KCNH7: variants seen among roughly 807,000 people sequenced by gnomAD.
The protein encoded by KCNH7 is voltage-gated inwardly rectifying potassium channel KCNH7.
KCNH7 carries 49 observed loss-of-function variants against 120.8 expected under a neutral mutation model. The ratio of observed to expected loss-of-function variants is 0.41; its 90% CI spans 0.32 to 0.51. The LOEUF (loss-of-function observed/expected upper bound fraction) is 0.51, where lower values mean the gene tolerates loss of function less well. Among genes scored for constraint, KCNH7 ranks in the 20% least tolerant of loss-of-function variants. The pLI is 0.38. For missense variants in KCNH7, 1,097 were observed against 1,446.6 expected (o/e 0.76, Z 3.92); for synonymous variants, 547 against 516.1 (o/e 1.06, Z -0.81).
At chr2:162,655,838 T>C (rs1684736476) in intron 2 of KCNH7, among the ~76,000 whole-genome samples, 2 of 152,132 alleles carry the variant, frequency 1.3e-5, no homozygotes, top group African/African-American at 2.4e-5. Context: ...TATTTTGAGA[T>C]AGCATATCAA....
chr2:162,400,661 G>A (rs1687041429), intron 9 of KCNH7, among the ~76,000 whole-genome samples: 1 of 151,858 alleles, frequency 6.6e-6, no homozygotes, highest in Non-Finnish European at 1.5e-5. Context: ...CAGGCATTCA[G>A]ACTCAATACA....
chr2:162,468,512 C>CTT (rs1166606647), intron 6 of KCNH7, among the ~76,000 whole-genome samples: 2,359 of 78,920 alleles, frequency 0.03, 601 homozygotes, highest in African/African-American at 0.14. Context: ...TATTCTTTTC[C>CTT]TTTTTTTTTT....
At chr2:162,445,888 C>T in intron 7 of KCNH7, 130 bp downstream of exon 7, 1 of 707,654 alleles carries the variant, frequency 1.4e-6, no homozygotes, top group African/African-American at 1.8e-5. Context: ...CTGTAGTATC[C>T]CCAATTGAAA....
chr2:162,776,112 G>A (rs1482059539), intron 2 of KCNH7, among the ~76,000 whole-genome samples: 2 of 152,108 alleles, frequency 1.3e-5, no homozygotes. Flanking sequence ...AATAAGCTAC[G>A]AATATACCGT....
chr2:162,709,595 T>C (rs559560915), intron 2 of KCNH7, among the ~76,000 whole-genome samples: 3 of 152,236 alleles, frequency 2.0e-5, no homozygotes, highest in Admixed American at 6.6e-5. Context: ...GAATTCAAGG[T>C]CCACTACATT....
chr2:162,831,367 G>C (rs1404334517), intron 2 of KCNH7, among the ~76,000 whole-genome samples: 3 of 152,076 alleles, frequency 2.0e-5, no homozygotes, highest in Non-Finnish European at 4.4e-5. Context: ...TGAATACTTC[G>C]GAAGGACAGC....
At chr2:162,765,513 G>A (rs1048448283) in intron 2 of KCNH7, among the ~76,000 whole-genome samples, 1 of 151,844 alleles carries the variant, frequency 6.6e-6, no homozygotes, top group Admixed American at 6.6e-5. Context: ...TTCTTCATAG[G>A]GACTAGAGGT....
At chr2:162,778,915 G>A (rs1249686937) in intron 2 of KCNH7, among the ~76,000 whole-genome samples, 1 of 148,132 alleles carries the variant, frequency 6.8e-6, no homozygotes, top group Non-Finnish European at 1.5e-5. Context: ...GACCCATTGA[G>A]TCTACACCCT....
At position 162,800,635 on chromosome 2, in the gene KCNH7, A is replaced by G. The variant is rs904609167; in HGVS notation, c.307+35902T>C. Among the ~76,000 whole-genome samples the G allele has an allele frequency of 4.6e-5, 7 of 151,938 alleles. No homozygotes were observed. In the East Asian group the frequency reaches 7.7e-4, roughly 17 times the overall value. On this transcript the variant is annotated intron_variant, in intron 2 of 15. Transcript: ENST00000332142. ...TGATGCATGATTACTAAGTTTTTAA[A>G]AAGGCATTATTCAGGCATGTGTACA...
chr2:162,402,268 A>C (rs1048633662), intron 9 of KCNH7, among the ~76,000 whole-genome samples: 1 of 150,602 alleles, frequency 6.6e-6, no homozygotes, highest in Non-Finnish European at 1.5e-5. Context: ...ACATGGAAGC[A>C]ATTATCTGGG....
At chr2:162,787,904 C>T (rs1166820657) in intron 2 of KCNH7, among the ~76,000 whole-genome samples, 1 of 152,250 alleles carries the variant, frequency 6.6e-6, no homozygotes, top group Non-Finnish European at 1.5e-5. Flanking sequence ...GGCCAGCCAC[C>T]TAAGGACTCC....
chr2:162,646,999 C>T (rs1330194565), intron 2 of KCNH7, among the ~76,000 whole-genome samples: 1 of 152,046 alleles, frequency 6.6e-6, no homozygotes, highest in Non-Finnish European at 1.5e-5. Context: ...ATTCATTACC[C>T]AGCAATAGAA....
chr2:162,380,198 T>A (rs1686367305), intron 13 of KCNH7, among the ~76,000 whole-genome samples, 177 bp from the exon 14 acceptor site: 1 of 152,150 alleles, frequency 6.6e-6, no homozygotes. Context: ...AGTCCCACTT[T>A]CACCCTGCTG....
chr2:162,428,906 G>A (rs887013931), intron 8 of KCNH7, among the ~76,000 whole-genome samples: 1 of 151,490 alleles, frequency 6.6e-6, no homozygotes. Context: ...GTTTTCTTTA[G>A]ACAGCATATG....
chr2:162,807,673 TTTTTGTTTTG>T (rs1368914758), intron 2 of KCNH7, among the ~76,000 whole-genome samples: 1 of 109,942 alleles, frequency 9.1e-6, no homozygotes, highest in Non-Finnish European at 2.3e-5. Flanking sequence ...TTTCATCCAT[TTTTTGTTTTG>T]TTTTGTTTTG....
At chr2:162,380,364 A>C (rs1686374592) in intron 13 of KCNH7, among the ~76,000 whole-genome samples, 1 of 152,134 alleles carries the variant, frequency 6.6e-6, no homozygotes, top group African/African-American at 2.4e-5. Context: ...TTATATCTAG[A>C]AGGAAGCAGC....
At chr2:162,547,077 T>C (rs1692505438) in intron 2 of KCNH7, among the ~76,000 whole-genome samples, 2 of 152,018 alleles carry the variant, frequency 1.3e-5, no homozygotes, top group African/African-American at 2.4e-5. Context: ...ACAATCTTGG[T>C]GGAAGGGGAA....
chr2:162,598,815 A>G (rs1383208093), intron 2 of KCNH7, among the ~76,000 whole-genome samples: 1 of 152,192 alleles, frequency 6.6e-6, no homozygotes, highest in Admixed American at 6.6e-5. Flanking sequence ...TAAGCATTAT[A>G]AAGGAATGTC....
intron 2 of KCNH7, among the ~76,000 whole-genome samples, chr2:162,748,837 T>TCC (rs1559113801): frequency 0.084 from 1,228 of 14,688 alleles, 99 homozygotes; most frequent in African/African-American, 0.27. Flanking sequence ...CCTCCCCTCC[T>TCC]CTCCCCTCCC....
Sources: gnomAD v4.1 joint callset for allele counts (sites outside exome capture counted in the v4.1 genomes callset) on GRCh38, gnomAD v4.1.1 for gene constraint, MANE v1.5 for transcripts, NCBI Gene and HGNC (gene_info 2026-07-23, HGNC 2026-07-21) for gene names.